Variants in MED27 observed in about 807,000 individuals in gnomAD.
MED27 encodes mediator of RNA polymerase II transcription subunit 27.
Under a neutral mutation model 38.2 loss-of-function variants are expected in MED27, and 30 were observed. The observed-to-expected ratio is 0.79, with a 90% confidence interval of 0.59 to 1.07. The LOEUF is 1.07. Ranked by LOEUF, MED27 falls within the 50% of genes least tolerant of loss-of-function variation. The probability of loss-of-function intolerance (pLI) is 0.00; values close to 1 mark genes in which losing one functional copy is unlikely to be tolerated. For missense variants in MED27, 289 were observed against 397.5 expected (o/e 0.73, Z 2.32); for synonymous variants, 122 against 153.5 (o/e 0.79, Z 1.52).
chr9:131,977,429 G>C (rs1190186895), intron 3 of MED27, among the ~76,000 whole-genome samples: 1 of 152,188 alleles, frequency 6.6e-6, no homozygotes, highest in East Asian at 1.9e-4. Context: ...AAGTTGGTCT[G>C]CATGATTGTT....
intron 3 of MED27, among the ~76,000 whole-genome samples, chr9:132,014,036 T>C (rs534485116): frequency 2.0e-5 from 3 of 151,752 alleles, no homozygotes; most frequent in Non-Finnish European, 4.4e-5. Flanking sequence ...TGAAACCCCA[T>C]CTCTACTAAA....
chr9:131,908,934 CAGA>C (rs1359042305), intron 4 of MED27, among the ~76,000 whole-genome samples: 8 of 151,670 alleles, frequency 5.3e-5, no homozygotes, highest in African/African-American at 1.9e-4. Flanking sequence ...GAATGCAGCC[CAGA>C]AGGTCTCAGC....
chr9:132,029,895 C>A (rs948327744), intron 2 of MED27, among the ~76,000 whole-genome samples: 1 of 151,996 alleles, frequency 6.6e-6, no homozygotes, highest in Admixed American at 6.6e-5. Flanking sequence ...GGGAGCAGAG[C>A]ATGGCCCAAA....
chr9:131,903,264 G>A (rs1201756340), intron 4 of MED27, among the ~76,000 whole-genome samples: 3 of 152,198 alleles, frequency 2.0e-5, no homozygotes, highest in South Asian at 2.1e-4. Flanking sequence ...GAGAGAGCTT[G>A]TGCAGAGAAC....
intron 3 of MED27, among the ~76,000 whole-genome samples, chr9:132,010,438 T>C (rs1234913911): frequency 6.6e-6 from 1 of 152,266 alleles, no homozygotes; most frequent in East Asian, 1.9e-4. Context: ...TTGGTGGGAC[T>C]GTAAACTAGT....
intron 3 of MED27, among the ~76,000 whole-genome samples, chr9:131,957,766 C>T (rs772099351): frequency 6.6e-6 from 1 of 152,024 alleles, no homozygotes; most frequent in East Asian, 1.9e-4. Flanking sequence ...TGCTTCCATG[C>T]ACCATATATG....
chr9:132,031,634 A>G (rs1221413687), intron 2 of MED27, among the ~76,000 whole-genome samples: 1 of 152,192 alleles, frequency 6.6e-6, no homozygotes, highest in Non-Finnish European at 1.5e-5. Flanking sequence ...TCTAAAAAAA[A>G]TAAACAATGA....
At chr9:132,059,425 C>A (rs1400674108) in intron 2 of MED27, among the ~76,000 whole-genome samples, 1 of 152,230 alleles carries the variant, frequency 6.6e-6, no homozygotes, top group Non-Finnish European at 1.5e-5. Context: ...AATCAAAGTA[C>A]AAATTGTGCT....
chr9:131,932,600 G>C (rs1000559700), intron 4 of MED27, among the ~76,000 whole-genome samples: 4 of 151,548 alleles, frequency 2.6e-5, no homozygotes, highest in Non-Finnish European at 5.9e-5. Flanking sequence ...CCAATATCAA[G>C]TAATGACATT....
intron 3 of MED27, among the ~76,000 whole-genome samples, chr9:132,000,854 T>C (rs1832214601): frequency 6.6e-6 from 1 of 151,994 alleles, no homozygotes; most frequent in Non-Finnish European, 1.5e-5. Flanking sequence ...CCAAATTGCT[T>C]AGCTTACAGG....
Position 132,046,528 on chromosome 9 carries a change from A to G in MED27, c.348+30914T>C, listed in dbSNP as rs140366706. 5.3e-5 allele frequency among the ~76,000 whole-genome samples: 8 copies of G among 152,332 alleles called. No individual in the cohort carries two copies. The East Asian group carries it at 1.5e-3, about 29-fold the overall frequency. Reference sequence around the variant, plus strand: ...CACTGAATGCAGCTATAAAAGCTGAACAGAATATATGGAGCAGTTATTCGA... The same window carrying G: ...CACTGAATGCAGCTATAAAAGCTGAGCAGAATATATGGAGCAGTTATTCGA... On this transcript the variant is annotated intron_variant, in intron 2 of 7. Coordinates refer to ENST00000292035, the MANE Select transcript of MED27 (RefSeq NM_004269.4).
intron 2 of MED27, among the ~76,000 whole-genome samples, chr9:132,056,379 ACAGTAG>A: frequency 6.6e-6 from 1 of 152,328 alleles, no homozygotes; most frequent in Admixed American, 6.5e-5. Flanking sequence ...AAATAATTAC[ACAGTAG>A]CCGGCCTCCC....
At chr9:131,974,102 G>C (rs1218832861) in intron 3 of MED27, among the ~76,000 whole-genome samples, 3 of 152,180 alleles carry the variant, frequency 2.0e-5, no homozygotes, top group African/African-American at 7.2e-5. Context: ...TCATGTAACT[G>C]GCAGAGATTT....
chr9:131,902,222 A>G (rs1829961822), intron 4 of MED27, among the ~76,000 whole-genome samples: 1 of 152,104 alleles, frequency 6.6e-6, no homozygotes, highest in African/African-American at 2.4e-5. Context: ...GCATTTTTTA[A>G]AAAGTTAGCA....
chr9:131,907,728 G>A (rs1160784037), intron 4 of MED27, among the ~76,000 whole-genome samples: 1 of 147,350 alleles, frequency 6.8e-6, no homozygotes, highest in African/African-American at 2.5e-5. Flanking sequence ...AGTCTGGAAA[G>A]TGAGGAGCGT....
At chr9:131,869,510 C>A (rs1294235839) in intron 6 of MED27, 1 of 753,502 alleles carries the variant, frequency 1.3e-6, no homozygotes, top group Non-Finnish European at 1.6e-6. Flanking sequence ...GCCGCCCTCC[C>A]CCTTGGCGGA....
intron 3 of MED27, among the ~76,000 whole-genome samples, chr9:131,976,601 A>G (rs1831613670): frequency 6.6e-6 from 1 of 152,354 alleles, no homozygotes; most frequent in East Asian, 1.9e-4. Flanking sequence ...AATTTAAACA[A>G]ATACTGCCAG....
At chr9:131,994,728 T>C (rs553462700) in intron 3 of MED27, among the ~76,000 whole-genome samples, 32 of 152,294 alleles carry the variant, frequency 2.1e-4, no homozygotes, top group African/African-American at 7.5e-4. Flanking sequence ...TTCCATGAAA[T>C]AGACAATATA....
intron 3 of MED27, among the ~76,000 whole-genome samples, chr9:131,987,483 T>C (rs1167293869): frequency 6.6e-6 from 1 of 152,160 alleles, no homozygotes; most frequent in Non-Finnish European, 1.5e-5. Context: ...CAAAGCTGCA[T>C]AAAACTGAGA....
Sources: gnomAD v4.1 joint callset for allele counts (sites outside exome capture counted in the v4.1 genomes callset) on GRCh38, gnomAD v4.1.1 for gene constraint, MANE v1.5 for transcripts, NCBI Gene and HGNC (gene_info 2026-07-23, HGNC 2026-07-21) for gene names.